LRRC69: variants seen among roughly 807,000 people sequenced by gnomAD.
LRRC69 encodes the protein leucine rich repeat containing 69.
LRRC69 carries 42 observed loss-of-function variants against 37.8 expected under a neutral mutation model. That is an observed-to-expected ratio of 1.11 (90% CI 0.87 to 1.44). LRRC69 has a LOEUF of 1.44. Among genes scored for constraint, LRRC69 ranks in the 40% most tolerant of loss-of-function variants. The pLI, the probability that LRRC69 is intolerant of heterozygous loss-of-function variation, is 0.00. For synonymous variants in LRRC69, 141 were observed against 143.1 expected (o/e 0.99, Z 0.11); for missense variants, 357 against 401.9 (o/e 0.89, Z 0.96).
chr8:91,184,833 G>C (rs1293451143), intron 5 of LRRC69, among the ~76,000 whole-genome samples: 2 of 152,204 alleles, frequency 1.3e-5, no homozygotes, highest in Non-Finnish European at 2.9e-5. Context: ...ACAGTGGAGA[G>C]AGACAAGAGA....
chr8:91,150,722 T>G (rs1348842495), intron 5 of LRRC69, among the ~76,000 whole-genome samples: 1 of 152,004 alleles, frequency 6.6e-6, no homozygotes, highest in African/African-American at 2.4e-5. Flanking sequence ...TCCTGGATTT[T>G]TTTTGGTTGG....
intron 5 of LRRC69, among the ~76,000 whole-genome samples, chr8:91,142,598 G>A (rs891638351): frequency 2.0e-5 from 3 of 152,002 alleles, no homozygotes; most frequent in Admixed American, 6.6e-5. Context: ...CAGAAGGCTA[G>A]GCCCTCCTTC....
At chr8:91,115,864 C>T (rs1813502259) in intron 1 of LRRC69, among the ~76,000 whole-genome samples, 1 of 151,832 alleles carries the variant, frequency 6.6e-6, no homozygotes. Context: ...GCTTCAGGTT[C>T]CTTGCCTGTG....
In LRRC69 at chr8:91,196,101, T is replaced by C. The variant is rs567827179; in HGVS notation, c.754-4512T>C. Among the ~76,000 whole-genome samples, 3 of 151,930 alleles carry C rather than the reference T, an allele frequency of 2.0e-5. No individual in the cohort carries two copies. The East Asian group carries it at 5.8e-4, about 29-fold the overall frequency. Reference sequence around the variant, plus strand: ...AAGTATTTTATTTCTCCTTCACTTATGAAGCTTAGTTTGGCTGGATATGAA... The same window carrying C: ...AAGTATTTTATTTCTCCTTCACTTACGAAGCTTAGTTTGGCTGGATATGAA... On this transcript the variant is annotated intron_variant, in intron 6 of 7. Transcript: ENST00000448384.
intron 5 of LRRC69, among the ~76,000 whole-genome samples, chr8:91,157,038 G>GTT (rs1808848001): frequency 6.6e-6 from 1 of 150,878 alleles, no homozygotes; most frequent in South Asian, 2.1e-4. Context: ...ATATTTTGAA[G>GTT]TCAGGTAGTT....
At chr8:91,139,241 G>A (rs1808486172) in intron 5 of LRRC69, 1 of 151,484 alleles carries the variant, frequency 6.6e-6, no homozygotes, top group African/African-American at 2.4e-5. Context: ...CAAAAGTATG[G>A]AATAAAAATA....
intron 7 of LRRC69, among the ~76,000 whole-genome samples, chr8:91,202,786 A>G (rs912986550): frequency 1.3e-5 from 2 of 152,210 alleles, no homozygotes; most frequent in Non-Finnish European, 2.9e-5. Context: ...TAAGTAAAAG[A>G]GTGGTATATC....
intron 5 of LRRC69, among the ~76,000 whole-genome samples, chr8:91,168,565 C>T (rs1386048707): frequency 6.6e-6 from 1 of 151,848 alleles, no homozygotes; most frequent in South Asian, 2.1e-4. Flanking sequence ...GAATTAGCAG[C>T]CATTTGGGAC....
chr8:91,148,195 TA>T (rs1670000843), intron 5 of LRRC69, among the ~76,000 whole-genome samples: 2 of 151,796 alleles, frequency 1.3e-5, no homozygotes, highest in South Asian at 4.1e-4. Context: ...ACTTGTCATT[TA>T]ACATTAGGTA....
intron 1 of LRRC69, among the ~76,000 whole-genome samples, chr8:91,105,888 T>G (rs1813303993): frequency 6.6e-6 from 1 of 152,002 alleles, no homozygotes; most frequent in Admixed American, 6.6e-5. Context: ...AACTGGTGAT[T>G]CAGTGATGAG....
chr8:91,186,132 T>G (rs1809404085), intron 5 of LRRC69, among the ~76,000 whole-genome samples: 1 of 152,224 alleles, frequency 6.6e-6, no homozygotes, highest in South Asian at 2.1e-4. Flanking sequence ...GAAGCGAATG[T>G]GTCTGGCGTT....
At chr8:91,164,018 A>G (rs937527531) in intron 5 of LRRC69, among the ~76,000 whole-genome samples, 19 of 151,602 alleles carry the variant, frequency 1.3e-4, no homozygotes, top group African/African-American at 4.3e-4. Flanking sequence ...GAATTTCAGA[A>G]TATTTTATTT....
intron 1 of LRRC69, among the ~76,000 whole-genome samples, chr8:91,115,235 C>T (rs3885969): frequency 0.49 from 74,212 of 151,846 alleles, 19,338 homozygotes; most frequent in South Asian, 0.65. Context: ...TTACAAGAAA[C>T]AGTTTGAGAT....
At chr8:91,197,387 G>T (rs571712743) in intron 6 of LRRC69, among the ~76,000 whole-genome samples, 1 of 152,202 alleles carries the variant, frequency 6.6e-6, no homozygotes, top group African/African-American at 2.4e-5. Context: ...GAGCTTCCCC[G>T]GCTGCTTTGT....
intron 6 of LRRC69, among the ~76,000 whole-genome samples, chr8:91,197,591 G>A (rs961661490): frequency 1.3e-5 from 2 of 152,134 alleles, no homozygotes; most frequent in Non-Finnish European, 2.9e-5. Context: ...ATTAGGGTGG[G>A]AGTGACCCGA....
In LRRC69 at chr8:91,124,534, T is replaced by TTC. The variant is rs1813686254; in HGVS notation, c.225_226insTC (p.Pro76SerfsTer5). On this transcript the variant is annotated frameshift_variant, in exon 2 of 8. Transcript: ENST00000448384. LOFTEE classifies it high-confidence loss of function. ...TGGGAAACAACCTTTTAGAAGAAGT[T>TTC]CCGGAAGAGATGAAATATCTTACAT... 7 of 1,542,312 alleles carry TTC rather than the reference T, an allele frequency of 4.5e-6. No individual in the cohort carries two copies. The highest frequency in any genetic ancestry group is 6.1e-6 in the Non-Finnish European group (7 of 1,142,414).
intron 5 of LRRC69, among the ~76,000 whole-genome samples, chr8:91,151,187 A>G (rs1258997176): frequency 4.7e-5 from 7 of 150,466 alleles, no homozygotes; most frequent in Non-Finnish European, 1.0e-4. Flanking sequence ...GAGGGTGTCA[A>G]TTTTGGATCT....
intron 7 of LRRC69, among the ~76,000 whole-genome samples, chr8:91,218,538 G>T (rs1271531653): frequency 6.6e-6 from 1 of 152,116 alleles, no homozygotes; most frequent in Admixed American, 6.6e-5. Flanking sequence ...GTACGTATTT[G>T]CTGATTGATC....
chr8:91,213,519 G>C (rs1026522260), intron 7 of LRRC69, among the ~76,000 whole-genome samples: 1 of 152,144 alleles, frequency 6.6e-6, no homozygotes, highest in African/African-American at 2.4e-5. Context: ...TTTAAGCAGG[G>C]AACTGAATGC....
Sources: allele counts gnomAD v4.1 joint callset (sites outside exome capture counted in the v4.1 genomes callset), GRCh38; gene constraint gnomAD v4.1.1; transcripts MANE v1.5; gene names NCBI Gene and HGNC (gene_info 2026-07-23, HGNC 2026-07-21).